Variants in RNLS observed in about 807,000 individuals in gnomAD.
RNLS encodes renalase.
RNLS carries 39 observed loss-of-function variants against 39.8 expected under a neutral mutation model. The observed-to-expected ratio is 0.98, with a 90% CI of 0.76 to 1.28. The LOEUF is 1.28. RNLS is among the 50% of genes most tolerant of loss of function. The pLI, the probability that RNLS is intolerant of heterozygous loss-of-function variation, is 0.00. For missense variants in RNLS, 410 were observed against 413.3 expected, an observed-to-expected ratio of 0.99 and a Z score of 0.07; for synonymous variants, 147 against 150.7, an observed-to-expected ratio of 0.98 and a Z score of 0.18.
chr10:88,449,960 C>A (rs1842272468), intron 4 of RNLS, among the ~76,000 whole-genome samples: 1 of 151,798 alleles, frequency 6.6e-6, no homozygotes, highest in South Asian at 2.1e-4. Flanking sequence ...CAAAATATGT[C>A]CTTGAAATTC....
intron 5 of RNLS, among the ~76,000 whole-genome samples, chr10:88,323,746 A>T (rs1247643519): frequency 6.6e-6 from 1 of 152,140 alleles, no homozygotes; most frequent in Non-Finnish European, 1.5e-5. Flanking sequence ...AAACAAAAAC[A>T]GACAAATGGG....
intron 6 of RNLS, among the ~76,000 whole-genome samples, chr10:88,304,885 T>A (rs930465097): frequency 6.6e-6 from 1 of 152,050 alleles, no homozygotes; most frequent in Non-Finnish European, 1.5e-5. Flanking sequence ...CCAAGATACA[T>A]AATTGTGAGA....
chr10:88,447,612 C>A (rs982890770), intron 4 of RNLS, among the ~76,000 whole-genome samples: 3 of 152,120 alleles, frequency 2.0e-5, no homozygotes, highest in Non-Finnish European at 2.9e-5. Flanking sequence ...CAATGCCATC[C>A]CCATCAAACC....
At chr10:88,392,166 T>G (rs560566437) in intron 4 of RNLS, among the ~76,000 whole-genome samples, 8 of 152,262 alleles carry the variant, frequency 5.3e-5, no homozygotes, top group Non-Finnish European at 8.8e-5. Flanking sequence ...TTGTTTCACA[T>G]CACTGTTGCC....
intron 6 of RNLS, among the ~76,000 whole-genome samples, chr10:88,296,831 C>G (rs1844129452): frequency 6.6e-6 from 1 of 152,174 alleles, no homozygotes; most frequent in African/African-American, 2.4e-5. Context: ...ATCCCTTCCT[C>G]TCAATCACAG....
chr10:88,355,119 TC>T (rs1402422957), intron 5 of RNLS, among the ~76,000 whole-genome samples: 1 of 152,222 alleles, frequency 6.6e-6, no homozygotes, highest in Non-Finnish European at 1.5e-5. Flanking sequence ...ATTTGTCTAA[TC>T]TTTTTTCAAG....
chr10:88,349,508 A>AT (rs1848531533), intron 5 of RNLS, among the ~76,000 whole-genome samples: 1 of 152,106 alleles, frequency 6.6e-6, no homozygotes, highest in African/African-American at 2.4e-5. Context: ...GGATCTACAT[A>AT]TTCCAGGCTG....
the RNLS span, among the ~76,000 whole-genome samples, chr10:88,256,595 C>A: frequency 6.6e-6 from 1 of 152,194 alleles, no homozygotes; most frequent in Non-Finnish European, 1.5e-5. Flanking sequence ...CCCTCACAAA[C>A]CTCCATTTGA....
At chr10:88,289,038 T>G (rs1416679914) in intron 6 of RNLS, among the ~76,000 whole-genome samples, 1 of 152,158 alleles carries the variant, frequency 6.6e-6, no homozygotes, top group Non-Finnish European at 1.5e-5. Flanking sequence ...AAATCCAGGT[T>G]GCTTTGGCTC....
At chr10:88,361,694 C>T (rs947003773) in intron 5 of RNLS, among the ~76,000 whole-genome samples, 1 of 152,114 alleles carries the variant, frequency 6.6e-6, no homozygotes, top group African/African-American at 2.4e-5. Context: ...GAAGGTCTGG[C>T]GAGCCAAGAG....
At chr10:88,469,944 G>GT (rs1488392922) in intron 4 of RNLS, among the ~76,000 whole-genome samples, 1 of 150,006 alleles carries the variant, frequency 6.7e-6, no homozygotes, top group Non-Finnish European at 1.5e-5. Flanking sequence ...TATGTATATA[G>GT]TATCTTATAC....
the RNLS span, among the ~76,000 whole-genome samples, chr10:88,203,029 C>G: frequency 6.6e-6 from 1 of 151,656 alleles, no homozygotes; most frequent in Non-Finnish European, 1.5e-5. Context: ...TAGCTGAGGT[C>G]CAGGAAAAGG....
intron 4 of RNLS, among the ~76,000 whole-genome samples, chr10:88,494,580 T>C (rs776416626): frequency 1.3e-5 from 2 of 152,176 alleles, no homozygotes; most frequent in Non-Finnish European, 2.9e-5. Flanking sequence ...AAATTATGTG[T>C]TAAGTTTTTC....
intron 4 of RNLS, among the ~76,000 whole-genome samples, chr10:88,476,558 T>C (rs1225003920): frequency 6.6e-6 from 1 of 152,154 alleles, no homozygotes; most frequent in Non-Finnish European, 1.5e-5. Flanking sequence ...ACATGACTTA[T>C]TGAAAAGCAA....
the RNLS span, among the ~76,000 whole-genome samples, chr10:88,189,107 G>A: frequency 6.6e-6 from 1 of 152,134 alleles, no homozygotes; most frequent in Non-Finnish European, 1.5e-5. Flanking sequence ...TGGTATTGAT[G>A]TACATTCTAA....
intron 4 of RNLS, among the ~76,000 whole-genome samples, chr10:88,485,466 T>C (rs1844437585): frequency 6.6e-6 from 1 of 151,826 alleles, no homozygotes; most frequent in Non-Finnish European, 1.5e-5. Context: ...AAATAGATCA[T>C]ACACTTAATA....
the RNLS span, among the ~76,000 whole-genome samples, chr10:88,179,132 G>C: frequency 3.3e-5 from 5 of 152,314 alleles, no homozygotes; most frequent in Admixed American, 3.3e-4. Context: ...AAATTATGTG[G>C]AATGTTAAAA....
chr10:88,302,446 T>C (rs1844599086), intron 6 of RNLS, among the ~76,000 whole-genome samples: 1 of 152,250 alleles, frequency 6.6e-6, no homozygotes, highest in Non-Finnish European at 1.5e-5. Context: ...TCTTTGAAGG[T>C]TGCCAGATTC....
At chr10:88,374,178 G>C (rs1474486253) in intron 4 of RNLS, among the ~76,000 whole-genome samples, 2 of 152,014 alleles carry the variant, frequency 1.3e-5, no homozygotes, top group Non-Finnish European at 2.9e-5. Flanking sequence ...GTTAAAAGGA[G>C]ATTCAGCTGT....
Sources: gnomAD v4.1 joint callset for allele counts (sites outside exome capture counted in the v4.1 genomes callset) on GRCh38, gnomAD v4.1.1 for gene constraint, MANE v1.5 for transcripts, NCBI Gene and HGNC (gene_info 2026-07-23, HGNC 2026-07-21) for gene names.